The following SNN variants were observed in gnomAD, a reference collection of about 807,000 sequenced individuals.
SNN encodes the protein stannin, also known as AG8_1.
Under a neutral mutation model 5.3 loss-of-function variants are expected in SNN, and 5 were observed. The observed-to-expected ratio is 0.94, with a 90% CI of 0.49 to 1.97. The LOEUF is 1.97. SNN is among the 30% of genes most tolerant of loss of function. The pLI, the probability that SNN is intolerant of heterozygous loss-of-function variation, is 0.01. For synonymous variants in SNN, 67 were observed against 52.1 expected, an observed-to-expected ratio of 1.29 and a Z score of -1.24; for missense variants, 127 against 121.6, an observed-to-expected ratio of 1.04 and a Z score of -0.21.
At position 11,668,848 on chromosome 16, in the gene SNN, G is replaced by A. The variant is rs1640268497; in HGVS notation, c.-86+308G>A. ...GCCCCCGCCCGTGCAGCCCCCGCCC[G>A]TCCTCAGCTACGCTCCCGCCTTCCC... On this transcript the variant is annotated intron_variant, in intron 1 of 1. Coordinates refer to ENST00000329565, the MANE Select transcript of SNN (RefSeq NM_003498.6). The surrounding 1 kb of genome is among the most constrained non-coding windows in gnomAD (Gnocchi z 6.8). Among the ~76,000 whole-genome samples, 1 of 151,852 alleles carries A rather than the reference G, an allele frequency of 6.6e-6. No individual in the cohort carries two copies. The highest frequency in any genetic ancestry group is 1.5e-5 in the Non-Finnish European group (1 of 67,876).
intron 1 of SNN, among the ~76,000 whole-genome samples, chr16:11,673,974 C>T (rs1203905203): frequency 1.3e-5 from 2 of 152,182 alleles, no homozygotes; most frequent in Admixed American, 6.5e-5. Flanking sequence ...CAGAAGCTGC[C>T]GGTTTCCCCG....
intron 1 of SNN, among the ~76,000 whole-genome samples, chr16:11,670,117 A>G (rs2050257889): frequency 6.6e-6 from 1 of 151,998 alleles, no homozygotes; most frequent in South Asian, 2.1e-4. Context: ...TCTTCTCCCT[A>G]CAACCCTGTT....
intron 1 of SNN, among the ~76,000 whole-genome samples, chr16:11,674,953 CTCA>C (rs2050288900): frequency 6.6e-6 from 1 of 152,170 alleles, no homozygotes; most frequent in Non-Finnish European, 1.5e-5. Context: ...GAGCCTCTGT[CTCA>C]CCCTCCCTGC....
chr16:11,670,612 G>A (rs1301262604), intron 1 of SNN, among the ~76,000 whole-genome samples: 1 of 152,252 alleles, frequency 6.6e-6, no homozygotes, highest in Admixed American at 6.5e-5. Context: ...CCCACGACCT[G>A]GTAGATGAGG....
chr16:11,675,813 T>A (rs2050298792), intron 1 of SNN, among the ~76,000 whole-genome samples, 162 bp from the exon 2 acceptor site: 1 of 152,116 alleles, frequency 6.6e-6, no homozygotes, highest in African/African-American at 2.4e-5. Context: ...GTTTCAAAGG[T>A]CATGAACAGG....
chr16:11,674,914 G>A (rs772416522), intron 1 of SNN, among the ~76,000 whole-genome samples: 5 of 152,162 alleles, frequency 3.3e-5, no homozygotes, highest in African/African-American at 4.8e-5. Flanking sequence ...TCTGGCGCCT[G>A]CATTAGATGC....
At chr16:11,670,452 C>T (rs1386937873) in intron 1 of SNN, among the ~76,000 whole-genome samples, 3 of 152,176 alleles carry the variant, frequency 2.0e-5, no homozygotes, top group African/African-American at 7.2e-5. Flanking sequence ...CTGTGCCCTT[C>T]TGGCCCTGGG....
chr16:11,668,830 C>T lies in SNN; in HGVS notation c.-86+290C>T, dbSNP rs1022432080. Among the ~76,000 whole-genome samples the T allele has an allele frequency of 9.9e-5, 15 of 151,458 alleles. No homozygotes were observed. Among genetic ancestry groups the T allele is most frequent in the African/African-American group, 2.9e-4 (12 of 41,252 alleles). ...GGGGATCGCGGGGCGCTCGCCCCCG[C>T]CCGTGCAGCCCCCGCCCGTCCTCAG... On this transcript the variant is annotated intron_variant, in intron 1 of 1. Coordinates refer to ENST00000329565, the MANE Select transcript of SNN (RefSeq NM_003498.6). This position sits in a 1 kb window ranked among gnomAD's most constrained non-coding sequence, Gnocchi z 6.8.
intron 1 of SNN, among the ~76,000 whole-genome samples, chr16:11,675,266 T>C (rs1312752882): frequency 5.5e-5 from 8 of 145,038 alleles, no homozygotes; most frequent in Non-Finnish European, 1.1e-4. Flanking sequence ...TTCTTTTTTT[T>C]TTTTTTTTTT....
chr16:11,669,046 C>G (rs138703172), intron 1 of SNN, among the ~76,000 whole-genome samples: 2 of 152,168 alleles, frequency 1.3e-5, no homozygotes, highest in African/African-American at 4.8e-5. Context: ...GCCTAGCTCC[C>G]CTGGTCCCCG....
chr16:11,670,967 G>A (rs964144451), intron 1 of SNN, among the ~76,000 whole-genome samples: 17 of 152,252 alleles, frequency 1.1e-4, no homozygotes, highest in African/African-American at 3.9e-4. Context: ...CCCAGTTACG[G>A]ATCTCTGTGG....
rs2050304870 is a variant in SNN at position 11,676,414 on chromosome 16, A to T, written c.*88A>T. On this transcript the variant is annotated 3_prime_UTR_variant, in exon 2 of 2. Coordinates refer to ENST00000329565, the MANE Select transcript of SNN (RefSeq NM_003498.6). Reference sequence around the variant, plus strand: ...CCATACGGATGCGCTGCTGTCTGAGAGGAAGGGCTGACACTTGCTGGCATG... The same window carrying T: ...CCATACGGATGCGCTGCTGTCTGAGTGGAAGGGCTGACACTTGCTGGCATG... 6.9e-7 allele frequency: 1 copy of T among 1,445,860 alleles called. No homozygotes were observed. The highest frequency in any genetic ancestry group is 9.3e-7 in the Non-Finnish European group (1 of 1,071,086). The allele number at this position is 1,445,860 out of a possible 1,614,324, so 89.6% of individuals were successfully genotyped here. A position where few individuals can be genotyped will look rare whatever the true frequency, so the allele number is the denominator to read the frequency against.
At chr16:11,675,949 G>A (rs955408726) in intron 1 of SNN, 26 bp from the exon 2 acceptor site, 139 of 1,205,770 alleles carry the variant, frequency 1.2e-4, no homozygotes, top group Non-Finnish European at 1.5e-4. Flanking sequence ...GCTAACCGCA[G>A]CTCGTCAACC....
intron 1 of SNN, among the ~76,000 whole-genome samples, chr16:11,673,346 G>A (rs987851539): frequency 5.3e-5 from 8 of 152,152 alleles, no homozygotes; most frequent in African/African-American, 9.7e-5. Context: ...CTCATGGCCC[G>A]CTGGAGGGAG....
At chr16:11,670,394 C>T (rs1348321176) in intron 1 of SNN, among the ~76,000 whole-genome samples, 1 of 152,130 alleles carries the variant, frequency 6.6e-6, no homozygotes, top group Non-Finnish European at 1.5e-5. Flanking sequence ...GAGGAGGCAG[C>T]GTGTCCCTGG....
chr16:11,674,779 C>T (rs189603032), intron 1 of SNN, among the ~76,000 whole-genome samples: 1 of 152,256 alleles, frequency 6.6e-6, no homozygotes, highest in African/African-American at 2.4e-5. Context: ...TATTCCCCAT[C>T]AGCACCGCCT....
At position 11,679,114 on chromosome 16, in the gene SNN, C is replaced by A. The variant is rs948235118; in HGVS notation, c.*2788C>A. ...AGACCACTGAGAAAATCTTTATTTACAATAAATTTCAATAAAATTTGCATA... is the reference window on the plus strand; with the variant it reads ...AGACCACTGAGAAAATCTTTATTTAAAATAAATTTCAATAAAATTTGCATA... On this transcript the variant is annotated 3_prime_UTR_variant, in exon 2 of 2. Transcript: ENST00000329565. This position sits in a 1 kb window ranked among gnomAD's most constrained non-coding sequence, Gnocchi z 4.6. The A allele has an allele frequency of 7.7e-5, 109 of 1,407,628 alleles. No homozygotes were observed. The highest frequency in any genetic ancestry group is 1.0e-4 in the Non-Finnish European group (108 of 1,033,832). 87.2% of individuals were successfully genotyped at this position (1,407,628 alleles called of 1,614,324 possible). A position where few individuals can be genotyped will look rare whatever the true frequency, so the allele number is the denominator to read the frequency against.
chr16:11,674,617 C>G (rs541754821), intron 1 of SNN, among the ~76,000 whole-genome samples: 1 of 152,336 alleles, frequency 6.6e-6, no homozygotes, highest in South Asian at 2.1e-4. Flanking sequence ...GTCATTCTTT[C>G]AACATGTGGA....
rs552483578 is a variant in SNN, at chr16:11,673,542, T to C, written c.-85-2433T>C. Among the ~76,000 whole-genome samples, 419 of 152,244 alleles carry C rather than the reference T, an allele frequency of 2.8e-3. 2 individuals carry two copies. Among genetic ancestry groups the C allele is most frequent in the African/African-American group, 9.3e-3 (385 of 41,540 alleles). ...TGGGGGCTGCCCTGTGCACGATAGGTGCCAGCAATATCCATGGTCTCCCTA... is the reference window on the plus strand; with the variant it reads ...TGGGGGCTGCCCTGTGCACGATAGGCGCCAGCAATATCCATGGTCTCCCTA... On this transcript the variant is annotated intron_variant, in intron 1 of 1. Coordinates refer to ENST00000329565, the MANE Select transcript of SNN (RefSeq NM_003498.6).
Sources: gnomAD v4.1 joint callset for allele counts (sites outside exome capture counted in the v4.1 genomes callset) on GRCh38, gnomAD v4.1.1 for gene constraint, Gnocchi (gnomAD v3.1) non-coding constraint, MANE v1.5 for transcripts, NCBI Gene and HGNC (gene_info 2026-07-23, HGNC 2026-07-21) for gene names.